The following KMT2C variants were observed in gnomAD, a reference collection of about 807,000 sequenced individuals.
KMT2C encodes histone-lysine N-methyltransferase 2C.
In KMT2C, 88 loss-of-function variants were observed where a neutral mutation model predicts 507.9. The observed-to-expected ratio is 0.17, with a 90% CI of 0.15 to 0.21. KMT2C has a LOEUF of 0.21. KMT2C is among the 10% of genes least tolerant of loss of function. The pLI, the probability that KMT2C is intolerant of heterozygous loss-of-function variation, is 1.00. For synonymous variants in KMT2C, 2,049 were observed against 2,080.8 expected, an observed-to-expected ratio of 0.98 and a Z score of 0.42; for missense variants, 4,954 against 5,957.8, an observed-to-expected ratio of 0.83 and a Z score of 5.55.
intron 52 of KMT2C, 100 bp downstream of exon 52, chr7:152,147,932 TA>T: frequency 7.9e-7 from 1 of 1,267,270 alleles, no homozygotes; most frequent in Admixed American, 2.6e-5. Context: ...TTATAAAATA[TA>T]AAACTAACAT....
rs868173556 is a variant in KMT2C at position 152,195,062 on chromosome 7, A to G, written c.4379-494T>C. Among the ~76,000 whole-genome samples the G allele has an allele frequency of 5.9e-5, 9 of 152,182 alleles. No homozygotes were observed. In the South Asian group the frequency reaches 1.9e-3, roughly 31 times the overall value. ...AACTTCAATTATAGGTAATATTTTT[A>G]AAGTATTCTATAGGCACATTCTGAT... is the stretch of plus-strand genomic sequence containing the variant. On this transcript the variant is annotated intron_variant, in intron 28 of 58. Transcript: ENST00000262189.
At chr7:152,175,191 G>GC (rs2093145902) in intron 38 of KMT2C, among the ~76,000 whole-genome samples, 1 of 151,124 alleles carries the variant, frequency 6.6e-6, no homozygotes, top group African/African-American at 2.4e-5. Flanking sequence ...TGTCCCCCAG[G>GC]CTGGAGTGCA....
chr7:152,239,342 G>A (rs79515128), intron 14 of KMT2C, among the ~76,000 whole-genome samples: 2 of 152,166 alleles, frequency 1.3e-5, no homozygotes, highest in African/African-American at 2.4e-5. Flanking sequence ...ATGCATACAC[G>A]TTAAACTGTA....
rs3778920 is a variant in KMT2C at position 152,144,197 on chromosome 7, G to T, written c.14343+516C>A. 0.091 allele frequency among the ~76,000 whole-genome samples: 13,699 copies of T among 150,816 alleles called. 1,277 individuals are homozygous for T. Among genetic ancestry groups the T allele is most frequent in the African/African-American group, 0.23 (9,623 of 41,376 alleles). On this transcript the variant is annotated intron_variant, in intron 55 of 58. Coordinates refer to ENST00000262189, the MANE Select transcript of KMT2C (RefSeq NM_170606.3). The surrounding 1 kb of genome is among the most constrained non-coding windows in gnomAD (Gnocchi z 4.4). Reference sequence around the variant, plus strand: ...GCTGAACAGGCATTTGGATATTTGGGTCTGCAGCTCAGGAAGTATGGACTA... The same window carrying T: ...GCTGAACAGGCATTTGGATATTTGGTTCTGCAGCTCAGGAAGTATGGACTA...
At chr7:152,301,441 A>T (rs2096567454) in intron 6 of KMT2C, among the ~76,000 whole-genome samples, 1 of 152,058 alleles carries the variant, frequency 6.6e-6, no homozygotes, top group Non-Finnish European at 1.5e-5. Context: ...CCCGGGAGGC[A>T]GAGGTTGCAG....
intron 42 of KMT2C, among the ~76,000 whole-genome samples, chr7:152,166,013 T>C (rs1026010582): frequency 1.3e-5 from 2 of 152,094 alleles, no homozygotes; most frequent in African/African-American, 2.4e-5. Flanking sequence ...TTATAACCTT[T>C]ACAATGAATC....
chr7:152,309,043 T>TA (rs969349768), intron 6 of KMT2C, among the ~76,000 whole-genome samples: 1 of 152,076 alleles, frequency 6.6e-6, no homozygotes, highest in Non-Finnish European at 1.5e-5. Context: ...CTGACCGAAC[T>TA]AAAAAAATTT....
chr7:152,167,527 A>C (rs974121200), intron 41 of KMT2C, 149 bp from the exon 42 acceptor site: 20 of 592,836 alleles, frequency 3.4e-5, no homozygotes, highest in Non-Finnish European at 5.6e-5. Context: ...ACGATTATGT[A>C]ATGATAAAAT....
intron 5 of KMT2C, among the ~76,000 whole-genome samples, chr7:152,311,181 G>C (rs2096668502): frequency 6.6e-6 from 1 of 152,002 alleles, no homozygotes; most frequent in Non-Finnish European, 1.5e-5. Flanking sequence ...CTTTGTTGAG[G>C]TGATATACAA....
intron 2 of KMT2C, among the ~76,000 whole-genome samples, chr7:152,352,510 G>A (rs191358371): frequency 2.8e-4 from 42 of 152,186 alleles, no homozygotes; most frequent in Admixed American, 9.2e-4. Flanking sequence ...TGCGGCCTGT[G>A]GGGCATCACG....
Position 152,360,946 on chromosome 7 carries a change from A to AG in KMT2C, c.162-2272_162-2271insC, listed in dbSNP as rs201402947. ...AGTCGGTCTTAACCAAAAATAAAAAAAAGGAAGTACCTGACTCAGAATTCC... is the reference window on the plus strand; with the variant it reads ...AGTCGGTCTTAACCAAAAATAAAAAAGAAGGAAGTACCTGACTCAGAATTCC... On this transcript the variant is annotated intron_variant, in intron 1 of 58. Transcript: ENST00000262189. Among the ~76,000 whole-genome samples, 1,231 of 152,270 alleles carry AG rather than the reference A, an allele frequency of 8.1e-3. 19 individuals carry two copies. The highest frequency in any genetic ancestry group is 0.029 in the African/African-American group (1,187 of 41,540).
At chr7:152,392,922 T>C (rs757151737) in intron 1 of KMT2C, among the ~76,000 whole-genome samples, 3 of 152,150 alleles carry the variant, frequency 2.0e-5, no homozygotes, top group Non-Finnish European at 4.4e-5. Flanking sequence ...TAGTGATATC[T>C]TGTCTCTACT....
chr7:152,327,353 A>G (rs554161147), intron 3 of KMT2C, among the ~76,000 whole-genome samples: 20 of 152,370 alleles, frequency 1.3e-4, no homozygotes, highest in Middle Eastern at 3.4e-3. Context: ...TGACAAAAAG[A>G]TAAGTCAGTC....
intron 1 of KMT2C, among the ~76,000 whole-genome samples, chr7:152,422,315 C>A (rs528167281): frequency 6.6e-6 from 1 of 150,790 alleles, no homozygotes; most frequent in Non-Finnish European, 1.5e-5. Context: ...ATTAGCCAGG[C>A]GTGGTGGCAG....
chr7:152,318,864 G>C (rs1451154079), intron 3 of KMT2C, among the ~76,000 whole-genome samples: 2 of 152,098 alleles, frequency 1.3e-5, no homozygotes, highest in African/African-American at 2.4e-5. Context: ...ATGATGAATA[G>C]TATAATAGAT....
rs530310947 is a variant in KMT2C, at chr7:152,325,345, C to G, written c.389+5256G>C. On this transcript the variant is annotated intron_variant, in intron 3 of 58. Coordinates refer to ENST00000262189, the MANE Select transcript of KMT2C (RefSeq NM_170606.3). ...TGTATTTTTAGTAGAGATGGGGTTTCACCATGTTGGCCAGGCTGGTCCCAA... is the reference window on the plus strand; with the variant it reads ...TGTATTTTTAGTAGAGATGGGGTTTGACCATGTTGGCCAGGCTGGTCCCAA... Among the ~76,000 whole-genome samples the G allele has an allele frequency of 2.0e-5, 3 of 151,958 alleles. 1 individual carries two copies. The South Asian group carries it at 6.2e-4, about 32-fold the overall frequency.
chr7:152,387,129 T>C (rs1470328983), intron 1 of KMT2C, among the ~76,000 whole-genome samples: 1 of 152,140 alleles, frequency 6.6e-6, no homozygotes, highest in Non-Finnish European at 1.5e-5. Flanking sequence ...TTAAATACCA[T>C]GTACATTAAA....
intron 6 of KMT2C, among the ~76,000 whole-genome samples, chr7:152,279,386 T>C (rs993273111): frequency 1.4e-4 from 22 of 152,148 alleles, no homozygotes; most frequent in African/African-American, 4.8e-4. Context: ...TAATGCCCAA[T>C]TCAAAAATTA....
At chr7:152,435,372 C>A (rs980837996) in intron 1 of KMT2C, among the ~76,000 whole-genome samples, 2 of 151,532 alleles carry the variant, frequency 1.3e-5, no homozygotes, top group Non-Finnish European at 2.9e-5. Flanking sequence ...AAAGGCCCGA[C>A]TGAAAAGTAA....
Sources: allele counts gnomAD v4.1 joint callset (sites outside exome capture counted in the v4.1 genomes callset), GRCh38; gene constraint gnomAD v4.1.1; non-coding constraint Gnocchi (gnomAD v3.1); transcripts MANE v1.5; gene names NCBI Gene and HGNC (gene_info 2026-07-23, HGNC 2026-07-21).